Variants in RBM44 observed in about 807,000 individuals in gnomAD.
The protein encoded by RBM44 is RNA binding motif protein 44.
RBM44 carries 66 observed loss-of-function variants against 105.1 expected under a neutral mutation model. The ratio of observed to expected loss-of-function variants is 0.63; its 90% CI spans 0.52 to 0.77. RBM44 has a LOEUF of 0.77. RBM44 is among the 30% of genes least tolerant of loss of function. The pLI, the probability that RBM44 is intolerant of heterozygous loss-of-function variation, is 0.00. For missense variants in RBM44, 1,122 were observed against 1,207.8 expected (o/e 0.93, Z 1.05); for synonymous variants, 365 against 417.6 (o/e 0.87, Z 1.54).
intron 1 of RBM44, among the ~76,000 whole-genome samples, chr2:237,809,165 A>G (rs988432294): frequency 2.0e-5 from 3 of 152,084 alleles, no homozygotes; most frequent in African/African-American, 7.2e-5. Context: ...TAGTCTATAT[A>G]TTTTTTTAAT....
chr2:237,811,114 G>A (rs543157286), intron 1 of RBM44, among the ~76,000 whole-genome samples: 2 of 152,174 alleles, frequency 1.3e-5, no homozygotes, highest in South Asian at 4.1e-4. Flanking sequence ...GGCAAGCAGG[G>A]CAGGCAGACC....
intron 1 of RBM44, among the ~76,000 whole-genome samples, chr2:237,799,695 G>A (rs1445228597): frequency 2.0e-5 from 3 of 152,218 alleles, no homozygotes; most frequent in African/African-American, 7.2e-5. Context: ...CCGTTGTAGG[G>A]TTTTACAGGA....
At chr2:237,840,774 T>C (rs535976554) in intron 15 of RBM44, among the ~76,000 whole-genome samples, 1 of 152,306 alleles carries the variant, frequency 6.6e-6, no homozygotes, top group South Asian at 2.1e-4. Context: ...AACAGACATT[T>C]GTCTCAAAAG....
chr2:237,811,006 G>T (rs2061653020), intron 1 of RBM44, among the ~76,000 whole-genome samples: 1 of 152,038 alleles, frequency 6.6e-6, no homozygotes, highest in Non-Finnish European at 1.5e-5. Flanking sequence ...CTATAAAGTG[G>T]CCAGGGAAGG....
intron 4 of RBM44, 104 bp from the exon 5 acceptor site, chr2:237,820,071 C>T (rs2061767161): frequency 1.7e-6 from 1 of 574,754 alleles, no homozygotes; most frequent in Non-Finnish European, 2.9e-6. Context: ...TTGATTTAAA[C>T]TTGACAGGGA....
intron 1 of RBM44, among the ~76,000 whole-genome samples, chr2:237,804,388 G>A (rs1456591054): frequency 6.6e-6 from 1 of 152,234 alleles, no homozygotes; most frequent in East Asian, 1.9e-4. Context: ...TTCCACAGTA[G>A]TTGGACTAAT....
At chr2:237,807,899 A>G (rs1454648000) in intron 1 of RBM44, among the ~76,000 whole-genome samples, 1 of 152,218 alleles carries the variant, frequency 6.6e-6, no homozygotes, top group East Asian at 1.9e-4. Context: ...TCTCTGAGGG[A>G]CAATAACATC....
intron 1 of RBM44, among the ~76,000 whole-genome samples, chr2:237,809,378 T>A (rs1181398370): frequency 6.6e-6 from 1 of 152,224 alleles, no homozygotes; most frequent in African/African-American, 2.4e-5. Context: ...GACCCCCGAC[T>A]GTCTCCTTTC....
chr2:237,809,109 G>T (rs1328305892), intron 1 of RBM44, among the ~76,000 whole-genome samples: 1 of 152,042 alleles, frequency 6.6e-6, no homozygotes, highest in Non-Finnish European at 1.5e-5. Context: ...CTACCAATTT[G>T]ATAATCAAGA....
At chr2:237,822,781 C>T (rs910631523) in intron 8 of RBM44, among the ~76,000 whole-genome samples, 9 of 151,856 alleles carry the variant, frequency 5.9e-5, no homozygotes, top group Admixed American at 3.9e-4. Context: ...GTTTTGGCTA[C>T]AAAACAATAT....
chr2:237,827,833 G>A (rs139121718), intron 12 of RBM44, among the ~76,000 whole-genome samples: 524 of 152,154 alleles, frequency 3.4e-3, no homozygotes, highest in Admixed American at 6.5e-3. Flanking sequence ...AGATAACATC[G>A]GTTCAATTCC....
intron 2 of RBM44, among the ~76,000 whole-genome samples, chr2:237,815,422 A>G (rs1378785398): frequency 1.3e-5 from 2 of 152,082 alleles, no homozygotes; most frequent in Non-Finnish European, 1.5e-5. Context: ...TCTGCTCTTC[A>G]CACAGTCCCT....
At position 237,817,900 on chromosome 2, in the gene RBM44, T is replaced by C. The variant is rs1291023709; in HGVS notation, c.981T>C (p.Tyr327=). ...AAAAAGTATTAAAAATGAAAATTTA[T>C]ACTGAAAACATGAAATCTCAAATAA... ...SPQKVLKMKI[Y]TENMKSQINE... Residue 327 remains tyrosine, a synonymous_variant, in exon 3 of 16, where the codon TAT becomes TAC. Coordinates refer to ENST00000316997, the MANE Select transcript of RBM44 (RefSeq NM_001080504.3). 5 of 1,596,754 alleles carry C rather than the reference T, an allele frequency of 3.1e-6. No individual in the cohort carries two copies. Among genetic ancestry groups the C allele is most frequent in the Non-Finnish European group, 4.3e-6 (5 of 1,174,808 alleles).
chr2:237,800,727 CTT>C (rs200312897), intron 1 of RBM44, among the ~76,000 whole-genome samples: 7 of 137,256 alleles, frequency 5.1e-5, no homozygotes, highest in Non-Finnish European at 7.9e-5. Context: ...ACTCTCAATC[CTT>C]TTTTTTTTTT....
At chr2:237,810,011 C>A (rs2061640636) in intron 1 of RBM44, among the ~76,000 whole-genome samples, 1 of 152,048 alleles carries the variant, frequency 6.6e-6, no homozygotes, top group Admixed American at 6.6e-5. Context: ...ATATTCCAGC[C>A]CCTTTATTAT....
chr2:237,837,837 A>G (rs1211980701), intron 15 of RBM44, among the ~76,000 whole-genome samples: 8 of 151,406 alleles, frequency 5.3e-5, no homozygotes, highest in Admixed American at 4.0e-4. Flanking sequence ...GATGCAGTCT[A>G]CTACTGGTGA....
chr2:237,818,208 TA>T lies in RBM44; in HGVS notation c.1293del (p.Val432LeufsTer15), dbSNP rs761480813. 1 of 1,613,122 alleles carries T rather than the reference TA, an allele frequency of 6.2e-7. No homozygotes were observed. Among genetic ancestry groups the T allele is most frequent in the African/African-American group, 1.3e-5 (1 of 74,892 alleles). ...DNQAIEDNTS[L>X]KVAHSSTTKK... ...CAGGCAATAGAAGATAATACGTCCC[TA>T]AAAGTTGCTCATAGCAGTACCACAA... On this transcript the variant is annotated frameshift_variant, in exon 3 of 16. Coordinates refer to ENST00000316997, the MANE Select transcript of RBM44 (RefSeq NM_001080504.3). LOFTEE classifies it high-confidence loss of function. This position sits in a 1 kb window ranked among gnomAD's most constrained non-coding sequence, Gnocchi z 4.6.
At chr2:237,799,191 A>ATGCT (rs2061519141) in intron 1 of RBM44, 1 of 152,000 alleles carries the variant, frequency 6.6e-6, no homozygotes, top group Admixed American at 6.5e-5. Flanking sequence ...ATTCGCACAT[A>ATGCT]TGCTTCTTCT....
chr2:237,829,920 A>G (rs2061887498), intron 13 of RBM44, among the ~76,000 whole-genome samples: 1 of 152,132 alleles, frequency 6.6e-6, no homozygotes, highest in Admixed American at 6.5e-5. Flanking sequence ...AAAAGTGGTA[A>G]AGTTTGCCTT....
Sources: gnomAD v4.1 joint callset for allele counts (sites outside exome capture counted in the v4.1 genomes callset) on GRCh38, gnomAD v4.1.1 for gene constraint, Gnocchi (gnomAD v3.1) non-coding constraint, MANE v1.5 for transcripts, NCBI Gene and HGNC (gene_info 2026-07-23, HGNC 2026-07-21) for gene names.